Variants in CAMK2B observed in about 807,000 individuals in gnomAD.
CAMK2B encodes the protein calcium/calmodulin-dependent protein kinase type II subunit beta.
In CAMK2B, 27 loss-of-function variants were observed where a neutral mutation model predicts 93.7. The observed-to-expected ratio is 0.29, with a 90% CI of 0.21 to 0.40. The LOEUF (loss-of-function observed/expected upper bound fraction) is 0.40. Ranked by LOEUF, CAMK2B falls within the 10% of genes least tolerant of loss-of-function variation. CAMK2B has a pLI of 1.00. For missense variants in CAMK2B, 568 were observed against 895.8 expected (o/e 0.63, Z 4.67); for synonymous variants, 374 against 358.8 (o/e 1.04, Z -0.48).
chr7:44,228,368 G>A (rs563137018), intron 19 of CAMK2B, among the ~76,000 whole-genome samples: 4 of 152,260 alleles, frequency 2.6e-5, no homozygotes, highest in African/African-American at 9.6e-5. Context: ...GGCCACATCA[G>A]GAACCAGGGT....
intron 2 of CAMK2B, among the ~76,000 whole-genome samples, chr7:44,282,120 C>T (rs1017947995): frequency 7.2e-5 from 11 of 152,220 alleles, no homozygotes; most frequent in African/African-American, 2.7e-4. Flanking sequence ...ACCTCCTCTC[C>T]ATGGCACCCT....
chr7:44,256,726 C>A (rs2096837297), intron 4 of CAMK2B, among the ~76,000 whole-genome samples: 1 of 152,276 alleles, frequency 6.6e-6, no homozygotes, highest in African/African-American at 2.4e-5. Flanking sequence ...GCCAGGGCTG[C>A]AGCCCAGAGT....
At chr7:44,301,018 A>G (rs1455731551) in intron 1 of CAMK2B, among the ~76,000 whole-genome samples, 1 of 152,260 alleles carries the variant, frequency 6.6e-6, no homozygotes, top group Non-Finnish European at 1.5e-5. Flanking sequence ...CCACACTTCT[A>G]AATGACACAC....
At chr7:44,303,986 T>A (rs1359848452) in intron 1 of CAMK2B, among the ~76,000 whole-genome samples, 2 of 152,118 alleles carry the variant, frequency 1.3e-5, no homozygotes, top group African/African-American at 2.4e-5. Flanking sequence ...AATAAGCATA[T>A]GAAAATATGC....
intron 1 of CAMK2B, among the ~76,000 whole-genome samples, chr7:44,298,323 A>C (rs996547223): frequency 6.6e-6 from 1 of 152,346 alleles, no homozygotes; most frequent in East Asian, 1.9e-4. Context: ...TGCTGGGGAA[A>C]CTGGGATACC....
intron 13 of CAMK2B, among the ~76,000 whole-genome samples, chr7:44,235,067 C>G (rs549343767): frequency 5.9e-5 from 9 of 152,272 alleles, no homozygotes; most frequent in Admixed American, 1.3e-4. Flanking sequence ...GTGGGGGCAG[C>G]TGAGCCAGCA....
In CAMK2B at chr7:44,229,440, C is replaced by T. The variant is rs1379605473; in HGVS notation, c.1287G>A (p.Glu429=). 2.7e-6 allele frequency: 4 copies of T among 1,495,330 alleles called. No individual in the cohort carries two copies. The highest frequency in any genetic ancestry group is 3.6e-6 in the Non-Finnish European group (4 of 1,124,076). The allele number at this position is 1,495,330 out of a possible 1,614,324, so 92.6% of individuals were successfully genotyped here. The stretch of plus-strand genomic sequence containing the variant: ...CCGGAGATGGGCAGGGCAGGGGCCC[C>T]TCGGCTTCTGGGGCTCCCGAGCCCC... ...VRRGSGAPEA[E]GPLPCPSPAP... is the part of the protein sequence containing the mutation. The change falls in exon 18 of 24, where the codon GAG becomes GAA. Residue 429 remains glutamate, a synonymous_variant. Coordinates refer to ENST00000395749, the MANE Select transcript of CAMK2B (RefSeq NM_001220.5).
rs1348104357 is a variant in CAMK2B, at chr7:44,248,726, C to T, written c.342-1534G>A. ...TCTTCCTCAAATAGCTCCCACCCGT[C>T]TTGGTCCCATCTGTACAGCGTCAGC... is the stretch of plus-strand genomic sequence containing the variant. On this transcript the variant is annotated intron_variant, in intron 5 of 23. Coordinates refer to ENST00000395749, the MANE Select transcript of CAMK2B (RefSeq NM_001220.5). The surrounding 1 kb of genome is among the most constrained non-coding windows in gnomAD (Gnocchi z 4.1). 3.4e-4 allele frequency among the ~76,000 whole-genome samples: 51 copies of T among 152,216 alleles called. No individual in the cohort carries two copies. Among genetic ancestry groups the T allele is most frequent in the Non-Finnish European group, 2.9e-5 (2 of 68,032 alleles).
At chr7:44,289,000 T>C (rs1785952492) in intron 1 of CAMK2B, among the ~76,000 whole-genome samples, 1 of 152,156 alleles carries the variant, frequency 6.6e-6, no homozygotes, top group Admixed American at 6.5e-5. Context: ...CGTCATTGTC[T>C]GCAGGATGCC....
intron 20 of CAMK2B, among the ~76,000 whole-genome samples, chr7:44,223,133 C>A (rs2128872619): frequency 6.6e-6 from 1 of 152,192 alleles, no homozygotes; most frequent in Non-Finnish European, 1.5e-5. Flanking sequence ...CATACATATG[C>A]ATGAGCACCT....
At chr7:44,243,119 C>T in intron 8 of CAMK2B, 131 bp downstream of exon 8, 1 of 699,820 alleles carries the variant, frequency 1.4e-6, no homozygotes, top group East Asian at 2.7e-5. Flanking sequence ...CAGGGCAGCT[C>T]AAGGGCAGGT....
intron 1 of CAMK2B, among the ~76,000 whole-genome samples, chr7:44,319,343 T>C (rs1795515537): frequency 6.6e-6 from 1 of 152,218 alleles, no homozygotes; most frequent in South Asian, 2.1e-4. Context: ...TCTAGTAAAT[T>C]ACTGTTAAAT....
chr7:44,248,687 C>G lies in CAMK2B; in HGVS notation c.342-1495G>C, dbSNP rs1236552114. ...CCTAACAGCAAATTCAGAGAAGACA[C>G]GAGAGGTCAGCCTTCTTCCTCAAAT... On this transcript the variant is annotated intron_variant, in intron 5 of 23. Transcript: ENST00000395749. This position sits in a 1 kb window ranked among gnomAD's most constrained non-coding sequence, Gnocchi z 4.1. 1.3e-5 allele frequency among the ~76,000 whole-genome samples: 2 copies of G among 152,210 alleles called. No individual in the cohort carries two copies. Among genetic ancestry groups the G allele is most frequent in the Admixed American group, 1.3e-4 (2 of 15,290 alleles).
intron 1 of CAMK2B, among the ~76,000 whole-genome samples, chr7:44,289,722 C>T (rs1786202903): frequency 2.0e-5 from 3 of 152,338 alleles, no homozygotes; most frequent in East Asian, 3.9e-4. Flanking sequence ...TGATTCTGCT[C>T]CCAGGACAGC....
At chr7:44,263,934 G>A (rs940632930) in intron 2 of CAMK2B, 1 of 154,712 alleles carries the variant, frequency 6.5e-6, no homozygotes, top group African/African-American at 2.4e-5. Flanking sequence ...AGCAAAGGAG[G>A]ACCCACAGTG....
At chr7:44,240,609 AGAG>A (rs971282929) in intron 12 of CAMK2B, 95 bp downstream of exon 12, 7 of 1,366,930 alleles carry the variant, frequency 5.1e-6, no homozygotes, top group Middle Eastern at 2.2e-4. Context: ...GGCCTGCCGC[AGAG>A]GAGGAGTGGA....
intron 1 of CAMK2B, among the ~76,000 whole-genome samples, chr7:44,301,551 C>CG (rs1790038469): frequency 6.6e-6 from 1 of 152,008 alleles, no homozygotes; most frequent in African/African-American, 2.4e-5. Context: ...CCGAGGTGAG[C>CG]GGATCACCTG....
chr7:44,243,607 A>G, intron 6 of CAMK2B, 80 bp from the exon 7 acceptor site: 1 of 1,075,368 alleles, frequency 9.3e-7, no homozygotes, highest in Non-Finnish European at 1.4e-6. Flanking sequence ...GGGGTTACAA[A>G]ACAGAGAAAA....
At chr7:44,256,278 C>T (rs1370081094) in intron 4 of CAMK2B, among the ~76,000 whole-genome samples, 1 of 152,230 alleles carries the variant, frequency 6.6e-6, no homozygotes, top group African/African-American at 2.4e-5. Context: ...TGTGTGTGTG[C>T]ACGTGTTCAC....
Sources: gnomAD v4.1 joint callset for allele counts (sites outside exome capture counted in the v4.1 genomes callset) on GRCh38, gnomAD v4.1.1 for gene constraint, Gnocchi (gnomAD v3.1) non-coding constraint, MANE v1.5 for transcripts, NCBI Gene and HGNC (gene_info 2026-07-23, HGNC 2026-07-21) for gene names.